NCEH1: variants seen among roughly 807,000 people sequenced by gnomAD.
The protein encoded by NCEH1 is 2-acetyl MAGE hydrolase.
NCEH1 carries 9 observed loss-of-function variants against 25.4 expected under a neutral mutation model. That is an observed-to-expected ratio of 0.35 (90% CI 0.21 to 0.62). The LOEUF (loss-of-function observed/expected upper bound fraction) is 0.62. NCEH1 is among the 20% of genes least tolerant of loss of function. The pLI is 0.72. For synonymous variants in NCEH1, 200 were observed against 199.8 expected (o/e 1.00, Z -0.01); for missense variants, 412 against 501.1 (o/e 0.82, Z 1.70).
intron 2 of NCEH1, among the ~76,000 whole-genome samples, chr3:172,647,090 A>T (rs982616069): frequency 6.6e-6 from 1 of 152,062 alleles, no homozygotes; most frequent in African/African-American, 2.4e-5. Context: ...GAAAAAGTCA[A>T]ACCTTTTGAC....
intron 1 of NCEH1, among the ~76,000 whole-genome samples, chr3:172,663,023 T>C (rs1444493485): frequency 6.6e-6 from 1 of 152,218 alleles, no homozygotes; most frequent in East Asian, 1.9e-4. Flanking sequence ...GTGTTTGCTC[T>C]TGCTTCTCTA....
At chr3:172,677,227 C>A (rs1486824693) in intron 1 of NCEH1, among the ~76,000 whole-genome samples, 1 of 152,218 alleles carries the variant, frequency 6.6e-6, no homozygotes, top group East Asian at 1.9e-4. Context: ...TTGGGTTAAT[C>A]TTCTGCTTTT....
At chr3:172,664,533 T>C (rs536814300) in intron 1 of NCEH1, among the ~76,000 whole-genome samples, 13 of 152,364 alleles carry the variant, frequency 8.5e-5, no homozygotes, top group African/African-American at 2.9e-4. Context: ...GAAGTTCTCC[T>C]GGATAATATC....
intron 1 of NCEH1, among the ~76,000 whole-genome samples, chr3:172,707,976 T>C (rs975076544): frequency 2.0e-5 from 3 of 152,242 alleles, no homozygotes; most frequent in Non-Finnish European, 4.4e-5. Context: ...TCAAGTGTTT[T>C]GTTTTGGTTT....
chr3:172,710,450 T>C (rs547147022), intron 1 of NCEH1, among the ~76,000 whole-genome samples: 1 of 99,970 alleles, frequency 1.0e-5, no homozygotes, highest in South Asian at 3.0e-4. Flanking sequence ...TTTCCCGAGC[T>C]CTCCTAAAAA....
chr3:172,686,403 C>T (rs954049624), intron 1 of NCEH1, among the ~76,000 whole-genome samples: 14 of 152,224 alleles, frequency 9.2e-5, no homozygotes, highest in Non-Finnish European at 1.3e-4. Flanking sequence ...CACATAGTGA[C>T]TAGTGTTCAC....
rs765508028 is a variant in NCEH1, at chr3:172,631,814, G to A, written c.*1661C>T. 10 of 152,564 alleles carry A rather than the reference G, an allele frequency of 6.6e-5. No homozygotes were observed. Among genetic ancestry groups the A allele is most frequent in the African/African-American group, 2.4e-4 (10 of 41,424 alleles). The allele number at this position is 152,564 out of a possible 1,614,324, so 9.5% of individuals were successfully genotyped here. On this transcript the variant is annotated 3_prime_UTR_variant, in exon 5 of 5. Transcript: ENST00000475381. The stretch of plus-strand genomic sequence containing the variant: ...AGTGAAATGGTTCTACTTTCTCTCC[G>A]TGGTGCCCTGTATCATTACTCAGCT...
chr3:172,679,359 C>T (rs1712211732), intron 1 of NCEH1, among the ~76,000 whole-genome samples: 1 of 152,170 alleles, frequency 6.6e-6, no homozygotes, highest in Non-Finnish European at 1.5e-5. Context: ...ATAAATTTTG[C>T]TTTTAAGAGA....
chr3:172,645,485 A>C, intron 3 of NCEH1, 138 bp downstream of exon 3: 1 of 528,284 alleles, frequency 1.9e-6, no homozygotes, highest in South Asian at 3.5e-5. Flanking sequence ...GATTATGCTG[A>C]GTGTGACTTT....
chr3:172,652,136 T>C (rs1412378495), intron 1 of NCEH1, among the ~76,000 whole-genome samples: 1 of 151,696 alleles, frequency 6.6e-6, no homozygotes, highest in Non-Finnish European at 1.5e-5. Context: ...TAGGGAAGAG[T>C]AGATGCAAGG....
At chr3:172,685,813 ATC>A (rs1169926997) in intron 1 of NCEH1, among the ~76,000 whole-genome samples, 27 of 152,194 alleles carry the variant, frequency 1.8e-4, no homozygotes, top group Admixed American at 1.8e-3. Flanking sequence ...CGACAACCAG[ATC>A]TCTGACCTCT....
intron 1 of NCEH1, among the ~76,000 whole-genome samples, chr3:172,666,321 G>A (rs143132936): frequency 1.3e-3 from 195 of 152,258 alleles, no homozygotes; most frequent in Admixed American, 4.2e-3. Context: ...ATATTAAAGG[G>A]CTAAGGTGGG....
intron 1 of NCEH1, among the ~76,000 whole-genome samples, chr3:172,657,403 T>C (rs948508546): frequency 6.6e-6 from 1 of 152,204 alleles, no homozygotes; most frequent in Non-Finnish European, 1.5e-5. Context: ...TAAGTCTAAC[T>C]TCTAAGCTAG....
intron 1 of NCEH1, among the ~76,000 whole-genome samples, chr3:172,693,163 G>A (rs777637562): frequency 6.6e-6 from 1 of 152,192 alleles, no homozygotes; most frequent in Non-Finnish European, 1.5e-5. Flanking sequence ...CCAGGACTCT[G>A]CAGTGTCTGA....
chr3:172,689,252 T>A (rs1712881746), intron 1 of NCEH1, among the ~76,000 whole-genome samples: 1 of 30,972 alleles, frequency 3.2e-5, no homozygotes, highest in Non-Finnish European at 7.3e-5. Flanking sequence ...TTGGAGTAAC[T>A]TTTTTTTTTT....
intron 1 of NCEH1, among the ~76,000 whole-genome samples, chr3:172,684,121 G>A (rs190400305): frequency 2.6e-4 from 39 of 152,274 alleles, no homozygotes; most frequent in African/African-American, 6.7e-4. Context: ...ACCCATTCAC[G>A]TAGGTCATGA....
At chr3:172,668,347 C>CCTTTTT (rs1560193718) in intron 1 of NCEH1, among the ~76,000 whole-genome samples, 1 of 87,364 alleles carries the variant, frequency 1.1e-5, no homozygotes, top group African/African-American at 4.4e-5. Context: ...GAAAAGGAAG[C>CCTTTTT]ATTTTTTTTT....
intron 1 of NCEH1, among the ~76,000 whole-genome samples, chr3:172,682,455 A>T (rs1712435386): frequency 6.6e-6 from 1 of 152,040 alleles, no homozygotes; most frequent in South Asian, 2.1e-4. Flanking sequence ...TGGTACAGGG[A>T]TTCACCATCT....
In NCEH1 at chr3:172,654,163, G is replaced by C. The variant is rs115803280; in HGVS notation, c.139-6049C>G. Among the ~76,000 whole-genome samples the C allele has an allele frequency of 5.4e-3, 823 of 152,334 alleles. 6 individuals carry two copies. Among genetic ancestry groups the C allele is most frequent in the Middle Eastern group, 0.01 (3 of 294 alleles). On this transcript the variant is annotated intron_variant, in intron 1 of 4. Coordinates refer to ENST00000475381, the MANE Select transcript of NCEH1 (RefSeq NM_020792.6). ...GCTCAATCTAAAGGAGGCATGCGCA[G>C]CACAGAAGTCTGCAGCATATAATCC... is the stretch of plus-strand genomic sequence containing the variant.
Sources: allele counts gnomAD v4.1 joint callset (sites outside exome capture counted in the v4.1 genomes callset), GRCh38; gene constraint gnomAD v4.1.1; transcripts MANE v1.5; gene names NCBI Gene and HGNC (gene_info 2026-07-23, HGNC 2026-07-21).